The following RTCA variants were observed in gnomAD, a reference collection of about 807,000 sequenced individuals.
RTCA encodes the protein RNA 3'-terminal phosphate cyclase.
A neutral mutation model predicts 46.1 loss-of-function variants in RTCA; 37 were observed. The observed-to-expected ratio is 0.80, with a 90% CI of 0.62 to 1.06. RTCA has a LOEUF of 1.06. Ranked by LOEUF, RTCA falls within the 50% of genes least tolerant of loss-of-function variation. The pLI, the probability that RTCA is intolerant of heterozygous loss-of-function variation, is 0.00. For synonymous variants in RTCA, 164 were observed against 158.3 expected (o/e 1.04, Z -0.27); for missense variants, 435 against 455.5 (o/e 0.95, Z 0.41).
chr1:100,269,588 T>C (rs1253635801), intron 3 of RTCA, among the ~76,000 whole-genome samples: 1 of 151,980 alleles, frequency 6.6e-6, no homozygotes, highest in African/African-American at 2.4e-5. Context: ...CCCACCTCTG[T>C]CTCCCAAAGT....
rs766966194 is a variant in RTCA at position 100,274,840 on chromosome 1, G to A, written c.490G>A (p.Gly164Arg). The change falls in exon 6 of 11, where the codon GGG (glycine) becomes AGG (arginine). Residue 164 changes from glycine (G) to arginine (R), a missense_variant. Coordinates refer to ENST00000370128, the MANE Select transcript of RTCA (RefSeq NM_003729.4). ...TTTTCATAGGGGATATTACCCAAAA[G>A]GGGGTGGTGAAGTGATTGTTCGAAT... ...DIKTRGYYPK[G>R]GGEVIVRMSP... 1.1e-5 allele frequency: 17 copies of A among 1,611,458 alleles called. 1 individual carries two copies. The highest frequency in any genetic ancestry group is 2.2e-5 in the South Asian group (2 of 90,718).
intron 8 of RTCA, among the ~76,000 whole-genome samples, chr1:100,284,538 C>A (rs1196877420): frequency 6.6e-6 from 1 of 152,032 alleles, no homozygotes; most frequent in Non-Finnish European, 1.5e-5. Flanking sequence ...GGATTACAGG[C>A]ATGCACCACC....
chr1:100,266,493 T>C, intron 1 of RTCA, 31 bp from the exon 2 acceptor site: 1 of 1,609,976 alleles, frequency 6.2e-7, no homozygotes, highest in South Asian at 1.1e-5. Context: ...GTGTGCTTAC[T>C]TCTCTTCTCC....
In RTCA at chr1:100,287,207, A is replaced by G; in HGVS notation, c.999+4A>G. 1 of 1,541,372 alleles carries G rather than the reference A, an allele frequency of 6.5e-7. No homozygotes were observed. Among genetic ancestry groups the G allele is most frequent in the Non-Finnish European group, 8.7e-7 (1 of 1,147,630 alleles). On this transcript the variant is annotated splice_donor_region_variant and intron_variant, in intron 10 of 10. Transcript: ENST00000370128. ...TTTTGCTGAACAAATAGCAAAGGTG[A>G]GTATTCTATCAGAAAGGGAAATTGA... is the stretch of plus-strand genomic sequence containing the variant.
At chr1:100,287,714 T>G (rs1196051174) in intron 10 of RTCA, among the ~76,000 whole-genome samples, 3 of 152,038 alleles carry the variant, frequency 2.0e-5, no homozygotes, top group Non-Finnish European at 4.4e-5. Flanking sequence ...CTCTGAAATT[T>G]AGTAGAGTTG....
intron 6 of RTCA, 152 bp from the exon 7 acceptor site, chr1:100,275,447 A>G (rs748961608): frequency 1.5e-5 from 8 of 543,064 alleles, no homozygotes; most frequent in South Asian, 3.2e-5. Flanking sequence ...TTGCATAAGC[A>G]TATTTAAAAA....
intron 8 of RTCA, among the ~76,000 whole-genome samples, chr1:100,283,226 A>G (rs1666816075): frequency 7.2e-6 from 1 of 139,238 alleles, no homozygotes; most frequent in South Asian, 2.2e-4. Flanking sequence ...GCTGGAGTGC[A>G]GTGGCACGAT....
chr1:100,270,036 G>A (rs548782719), intron 3 of RTCA, among the ~76,000 whole-genome samples: 50 of 152,230 alleles, frequency 3.3e-4, no homozygotes, highest in African/African-American at 1.1e-3. Flanking sequence ...TTATGGCTGC[G>A]TAAAATATTA....
At position 100,292,018 on chromosome 1, in the gene RTCA, C is replaced by T. The variant is rs1667380959; in HGVS notation, c.*514C>T. ...TCTTGGCTCACTGCAACCTCTGCCT[C>T]CCGGGTTCAAGCAATTCTACTGCCT... On this transcript the variant is annotated 3_prime_UTR_variant, in exon 11 of 11. Transcript: ENST00000370128. The T allele has an allele frequency of 6.6e-6, 1 of 151,000 alleles. No homozygotes were observed. Among genetic ancestry groups the T allele is most frequent in the African/African-American group, 2.5e-5 (1 of 40,816 alleles). 9.4% of individuals were successfully genotyped at this position (151,000 alleles called of 1,614,324 possible).
intron 8 of RTCA, among the ~76,000 whole-genome samples, chr1:100,277,630 C>T (rs964266942): frequency 1.3e-5 from 2 of 152,264 alleles, no homozygotes; most frequent in East Asian, 3.9e-4. Flanking sequence ...GTTGCAGGTG[C>T]CATGTCTCAC....
At chr1:100,281,985 C>T (rs1046686977) in intron 8 of RTCA, among the ~76,000 whole-genome samples, 1 of 152,120 alleles carries the variant, frequency 6.6e-6, no homozygotes, top group Non-Finnish European at 1.5e-5. Context: ...GGATTACAGG[C>T]GTGAGCCACC....
intron 8 of RTCA, among the ~76,000 whole-genome samples, chr1:100,282,853 C>G (rs542220550): frequency 1.1e-3 from 170 of 152,316 alleles, no homozygotes; most frequent in African/African-American, 4.0e-3. Flanking sequence ...CTTGCCCAGT[C>G]TAGAGTGGAG....
At chr1:100,278,849 C>A (rs752496281) in intron 8 of RTCA, among the ~76,000 whole-genome samples, 2 of 152,168 alleles carry the variant, frequency 1.3e-5, no homozygotes, top group African/African-American at 2.4e-5. Context: ...AACTTGTCAG[C>A]ATCAACTGGG....
At chr1:100,268,396 CT>C in intron 3 of RTCA, 101 bp downstream of exon 3, 1 of 951,648 alleles carries the variant, frequency 1.1e-6, no homozygotes, top group Non-Finnish European at 1.5e-6. Flanking sequence ...TGTTTCCCTA[CT>C]TTTATGTTTT....
intron 8 of RTCA, among the ~76,000 whole-genome samples, chr1:100,278,911 A>G (rs1666542275): frequency 6.6e-6 from 1 of 152,192 alleles, no homozygotes; most frequent in Non-Finnish European, 1.5e-5. Context: ...ATTGAATTAG[A>G]ATCTGTGGGA....
chr1:100,286,228 G>A (rs189757733), intron 9 of RTCA, among the ~76,000 whole-genome samples: 7 of 152,042 alleles, frequency 4.6e-5, no homozygotes, highest in South Asian at 2.1e-4. Context: ...CGAGGTGGGC[G>A]GATCACGAGG....
chr1:100,282,720 T>C (rs1342043966), intron 8 of RTCA, among the ~76,000 whole-genome samples: 1 of 5,982 alleles, frequency 1.7e-4, no homozygotes, highest in Non-Finnish European at 4.9e-4. Flanking sequence ...AAACTTTGTT[T>C]TATGCACAAA....
chr1:100,290,538 A>G (rs1667285940), intron 10 of RTCA, among the ~76,000 whole-genome samples: 1 of 152,228 alleles, frequency 6.6e-6, no homozygotes, highest in African/African-American at 2.4e-5. Flanking sequence ...TAGGAAGCTG[A>G]CGCAGGAGGA....
chr1:100,291,018 T>C (rs1202828132), intron 10 of RTCA, among the ~76,000 whole-genome samples: 1 of 152,118 alleles, frequency 6.6e-6, no homozygotes, highest in African/African-American at 2.4e-5. Context: ...CTTGACAAGA[T>C]AAAAGTAGAA....
Sources: allele counts gnomAD v4.1 joint callset (sites outside exome capture counted in the v4.1 genomes callset), GRCh38; gene constraint gnomAD v4.1.1; transcripts MANE v1.5; gene names NCBI Gene and HGNC (gene_info 2026-07-23, HGNC 2026-07-21).